TSNAXIP1: variants seen among roughly 807,000 people sequenced by gnomAD.
The protein encoded by TSNAXIP1 is translin associated factor X interacting protein 1.
A neutral mutation model predicts 84.8 loss-of-function variants in TSNAXIP1; 89 were observed. The ratio of observed to expected loss-of-function variants is 1.05; its 90% CI spans 0.88 to 1.25. The LOEUF (loss-of-function observed/expected upper bound fraction) is 1.25, where lower values mean the gene tolerates loss of function less well. TSNAXIP1 is among the 50% of genes most tolerant of loss of function. TSNAXIP1 has a pLI of 0.00. For synonymous variants in TSNAXIP1, 347 were observed against 335.2 expected (o/e 1.04, Z -0.39); for missense variants, 874 against 887.6 (o/e 0.98, Z 0.20).
chr16:67,810,725 T>C (rs1170388690), intron 1 of TSNAXIP1, among the ~76,000 whole-genome samples: 1 of 152,022 alleles, frequency 6.6e-6, no homozygotes, highest in Admixed American at 6.6e-5. Flanking sequence ...AAATATTTAA[T>C]ATAAAACATC....
chr16:67,820,691 C>G (rs745737448), intron 2 of TSNAXIP1, 148 bp from the exon 3 acceptor site: 1 of 539,172 alleles, frequency 1.9e-6, no homozygotes, highest in Non-Finnish European at 3.2e-6. Flanking sequence ...TTGCAGTGAG[C>G]CAAGATCGTG....
At chr16:67,821,260 G>T in intron 4 of TSNAXIP1, 35 bp downstream of exon 4, 1 of 1,493,612 alleles carries the variant, frequency 6.7e-7, no homozygotes, top group East Asian at 2.6e-5. Flanking sequence ...GGAGGGCGGG[G>T]GAAGGGTGGG....
chr16:67,821,075 C>T (rs1216859040), intron 3 of TSNAXIP1, 24 bp from the exon 4 acceptor site: 1 of 1,613,036 alleles, frequency 6.2e-7, no homozygotes. Context: ...GTGCTGGCCA[C>T]ATATCAGCCA....
Position 67,806,891 on chromosome 16 carries a change from C to G in TSNAXIP1, c.-259C>G, listed in dbSNP as rs2055481115. On this transcript the variant is annotated 5_prime_UTR_variant, in exon 1 of 16. The change creates a new upstream start codon in the 5' untranslated region. Coordinates refer to ENST00000561639, the MANE Select transcript of TSNAXIP1 (RefSeq NM_001288990.3). The stretch of plus-strand genomic sequence containing the variant: ...TTCCCTCCCCATGGCCTCTGTTCAT[C>G]CCCCTGCCTCAGTTCTGGTACCTGG... 1.5e-5 allele frequency: 9 copies of G among 607,336 alleles called. No individual in the cohort carries two copies. The South Asian group carries it at 1.8e-4, about 12-fold the overall frequency. The allele number at this position is 607,336 out of a possible 1,614,324, so 37.6% of individuals were successfully genotyped here.
intron 1 of TSNAXIP1, among the ~76,000 whole-genome samples, chr16:67,809,299 C>A (rs893452728): frequency 4.1e-5 from 6 of 148,016 alleles, no homozygotes; most frequent in Non-Finnish European, 8.9e-5. Context: ...AAAACCTTGT[C>A]TCTACTAAAA....
chr16:67,807,122 G>GTGC lies in TSNAXIP1; in HGVS notation c.-25_-23dup. 2 of 1,533,752 alleles carry GTGC rather than the reference G, an allele frequency of 1.3e-6. No individual in the cohort carries two copies. The highest frequency in any genetic ancestry group is 1.7e-6 in the Non-Finnish European group (2 of 1,146,190). ...GCTACCACAGCTTCCCAGGCCGCGG[G>GTGC]TGCTGATTGCCCGCCTGCCCGTGGG... On this transcript the variant is annotated 5_prime_UTR_variant, in exon 1 of 16. Coordinates refer to ENST00000561639, the MANE Select transcript of TSNAXIP1 (RefSeq NM_001288990.3).
chr16:67,818,744 C>T (rs1044743584), intron 2 of TSNAXIP1, among the ~76,000 whole-genome samples: 2 of 150,494 alleles, frequency 1.3e-5, no homozygotes, highest in Non-Finnish European at 3.0e-5. Flanking sequence ...CTCTCTGTCG[C>T]CCAGACTGGA....
intron 1 of TSNAXIP1, among the ~76,000 whole-genome samples, chr16:67,812,787 T>A (rs1460788954): frequency 6.6e-6 from 1 of 151,442 alleles, no homozygotes; most frequent in Non-Finnish European, 1.5e-5. Context: ...AATAAATAAA[T>A]AAAAATAGAG....
At chr16:67,825,029 TCA>T (rs1048269813) in intron 6 of TSNAXIP1, 106 bp from the exon 7 acceptor site, 2 of 1,445,316 alleles carry the variant, frequency 1.4e-6, no homozygotes, top group African/African-American at 1.4e-5. Flanking sequence ...CCTTTCCTGT[TCA>T]CAGTCCCTGA....
chr16:67,816,949 T>G (rs1311606159), intron 2 of TSNAXIP1, among the ~76,000 whole-genome samples: 1 of 143,568 alleles, frequency 7.0e-6, no homozygotes, highest in Non-Finnish European at 1.5e-5. Flanking sequence ...GGACTGGTCT[T>G]TTTTTTTTTT....
In TSNAXIP1 at chr16:67,825,946, G is replaced by A; in HGVS notation, c.1014G>A (p.Glu338=). Residue 338 remains glutamate (E), a synonymous_variant, in exon 9 of 16, where the codon GAG becomes GAA. Transcript: ENST00000561639. ...QLDTLRASYE[E]VRKEHEILMQ... is the part of the protein sequence containing the mutation. Reference sequence around the variant, plus strand: ...ACACCCTGAGAGCCAGCTACGAGGAGGTTCGCAAGGAGCATGAGATCCTCA... The same window carrying A: ...ACACCCTGAGAGCCAGCTACGAGGAAGTTCGCAAGGAGCATGAGATCCTCA... The A allele has an allele frequency of 1.2e-6, 2 of 1,614,090 alleles. No homozygotes were observed. The highest frequency in any genetic ancestry group is 8.5e-7 in the Non-Finnish European group (1 of 1,180,024).
intron 1 of TSNAXIP1, among the ~76,000 whole-genome samples, chr16:67,808,286 C>T (rs938050147): frequency 6.6e-6 from 1 of 151,900 alleles, no homozygotes; most frequent in African/African-American, 2.4e-5. Context: ...CCTACAAAAG[C>T]CCCTAAGAGG....
At chr16:67,827,218 G>C (rs767640993) in intron 13 of TSNAXIP1, 31 bp from the exon 14 acceptor site, 1 of 1,613,524 alleles carries the variant, frequency 6.2e-7, no homozygotes, top group East Asian at 2.2e-5. Context: ...GCCTCAGCAG[G>C]TCCCTGTTGG....
chr16:67,826,066 C>T lies in TSNAXIP1; in HGVS notation c.1134C>T (p.Thr378=), dbSNP rs762748949. ...CTTCCACGCCGCGGCCTGACTGGAC[C>T]AAGTGCAAAGGTGAGGGCAGCCGGC... The part of the protein sequence containing the change: ...QRTSTPRPDW[T]KCKDVVAGGP... Residue 378 remains threonine, a synonymous_variant, in exon 9 of 16, where the codon ACC becomes ACT. Transcript: ENST00000561639. 1 of 1,613,436 alleles carries T rather than the reference C, an allele frequency of 6.2e-7. No homozygotes were observed. The highest frequency in any genetic ancestry group is 8.5e-7 in the Non-Finnish European group (1 of 1,180,038).
At chr16:67,821,541 C>T (rs1043869772) in intron 4 of TSNAXIP1, among the ~76,000 whole-genome samples, 2 of 151,838 alleles carry the variant, frequency 1.3e-5, no homozygotes, top group African/African-American at 2.4e-5. Flanking sequence ...CACACCACTG[C>T]ACTCCAACCT....
rs774100526 is a variant in TSNAXIP1, at chr16:67,828,004, GC to G, written c.*12del. The G allele has an allele frequency of 6.2e-7, 1 of 1,611,892 alleles. No individual in the cohort carries two copies. Among genetic ancestry groups the G allele is most frequent in the South Asian group, 1.1e-5 (1 of 91,066 alleles). On this transcript the variant is annotated 3_prime_UTR_variant, in exon 16 of 16. Coordinates refer to ENST00000561639, the MANE Select transcript of TSNAXIP1 (RefSeq NM_001288990.3). ...GAGCCTGCAAGCTAGGAACTTGTGG[GC>G]AGCCTGCGTACTCCAGTCCTGCTAA...
chr16:67,811,201 C>CAT (rs201383167), intron 1 of TSNAXIP1, among the ~76,000 whole-genome samples: 1 of 147,180 alleles, frequency 6.8e-6, no homozygotes, highest in Non-Finnish European at 1.5e-5. Context: ...CACGCCCAAG[C>CAT]CCAAGCTTTT....
At chr16:67,824,131 A>T (rs1355090937) in intron 5 of TSNAXIP1, among the ~76,000 whole-genome samples, 3 of 151,970 alleles carry the variant, frequency 2.0e-5, no homozygotes, top group Admixed American at 6.6e-5. Context: ...GGCAGCTACC[A>T]ACTGGGCCTT....
At chr16:67,825,894 AG>A (rs1189987948) in intron 8 of TSNAXIP1, 22 bp from the exon 9 acceptor site, 1 of 1,613,938 alleles carries the variant, frequency 6.2e-7, no homozygotes, top group African/African-American at 1.3e-5. Context: ...GTGGGGGGCC[AG>A]GGCCAATGTC....
Sources: gnomAD v4.1 joint callset for allele counts (sites outside exome capture counted in the v4.1 genomes callset) on GRCh38, gnomAD v4.1.1 for gene constraint, MANE v1.5 for transcripts, NCBI Gene and HGNC (gene_info 2026-07-23, HGNC 2026-07-21) for gene names.